The following BOLL variants were observed in gnomAD, a reference collection of about 807,000 sequenced individuals.
BOLL encodes boule RNA binding protein.
A neutral mutation model predicts 44.4 loss-of-function variants in BOLL; 23 were observed. That is an observed-to-expected ratio of 0.52 (90% CI 0.37 to 0.73). The LOEUF (loss-of-function observed/expected upper bound fraction) is 0.73, where lower values mean the gene tolerates loss of function less well. Among genes scored for constraint, BOLL ranks in the 30% least tolerant of loss-of-function variants. The probability of loss-of-function intolerance (pLI) is 0.00; values close to 1 mark genes in which losing one functional copy is unlikely to be tolerated. For synonymous variants in BOLL, 97 were observed against 110.8 expected (o/e 0.88, Z 0.78); for missense variants, 287 against 338.3 (o/e 0.85, Z 1.19).
rs1687823875 is a variant in BOLL, at chr2:197,742,953, C to G, written c.828+108G>C. On this transcript the variant is annotated intron_variant, in intron 10 of 10. Coordinates refer to ENST00000392296, the MANE Select transcript of BOLL (RefSeq NM_033030.6). ...TTTGCTAATTCTGTACTTCTGATCA[C>G]AAGTGTGATGTAAATATCCAAAATT... The G allele has an allele frequency of 1.3e-5, 9 of 681,348 alleles. No individual in the cohort carries two copies. The East Asian group carries it at 2.8e-4, about 21-fold the overall frequency. The allele number at this position is 681,348 out of a possible 1,614,324, so 42.2% of individuals were successfully genotyped here.
intron 3 of BOLL, among the ~76,000 whole-genome samples, chr2:197,778,335 A>C (rs1689607632): frequency 6.6e-6 from 1 of 151,632 alleles, no homozygotes; most frequent in South Asian, 2.1e-4. Flanking sequence ...TGCCTTATCT[A>C]TTTTCTTTTA....
At chr2:197,744,428 GGGAGTA>G (rs1449690523) in intron 9 of BOLL, among the ~76,000 whole-genome samples, 1 of 152,156 alleles carries the variant, frequency 6.6e-6, no homozygotes, top group East Asian at 1.9e-4. Flanking sequence ...AAGAGTTTTA[GGGAGTA>G]GGTACAATGT....
intron 4 of BOLL, 102 bp downstream of exon 4, chr2:197,776,957 C>T: frequency 5.5e-6 from 5 of 910,714 alleles, no homozygotes; most frequent in Non-Finnish European, 8.0e-6. Flanking sequence ...AAGATGCAAA[C>T]CTTTTTTAAA....
intron 9 of BOLL, among the ~76,000 whole-genome samples, chr2:197,747,526 T>C (rs1230902646): frequency 1.5e-5 from 2 of 130,070 alleles, no homozygotes; most frequent in Non-Finnish European, 3.0e-5. Flanking sequence ...GAGGTTGCAG[T>C]GAGCCGAGAT....
chr2:197,785,723 C>T (rs963264916), upstream of BOLL, among the ~76,000 whole-genome samples: 1 of 152,218 alleles, frequency 6.6e-6, no homozygotes, highest in African/African-American at 2.4e-5. The surrounding 1 kb of genome is among the most constrained non-coding windows in gnomAD (Gnocchi z 6.7). Flanking sequence ...GAAACATCCA[C>T]GCCTGAGGTC....
chr2:197,778,736 T>G (rs1197661016), intron 3 of BOLL, among the ~76,000 whole-genome samples: 1 of 151,548 alleles, frequency 6.6e-6, no homozygotes, highest in Non-Finnish European at 1.5e-5. Flanking sequence ...CACTGAATGG[T>G]CCCTCCACCC....
chr2:197,783,431 A>G (rs1280646023), intron 1 of BOLL, among the ~76,000 whole-genome samples: 1 of 152,250 alleles, frequency 6.6e-6, no homozygotes, highest in Non-Finnish European at 1.5e-5. Context: ...TCTCTGGCCA[A>G]TACAATCACA....
At chr2:197,780,627 C>A (rs568941222) in intron 2 of BOLL, among the ~76,000 whole-genome samples, 2 of 151,982 alleles carry the variant, frequency 1.3e-5, no homozygotes, top group African/African-American at 4.8e-5. Context: ...GTGAAACAAT[C>A]ATATACTTGT....
At chr2:197,765,160 T>C (rs1042662158) in intron 7 of BOLL, among the ~76,000 whole-genome samples, 2 of 152,024 alleles carry the variant, frequency 1.3e-5, no homozygotes, top group East Asian at 1.9e-4. Context: ...AATGATACAA[T>C]GGACTTTGGA....
chr2:197,784,387 AATACATATATAT>A (rs1483277284), intron 1 of BOLL, among the ~76,000 whole-genome samples: 1 of 94,450 alleles, frequency 1.1e-5, no homozygotes, highest in African/African-American at 4.7e-5. Flanking sequence ...ACAGCAGTCT[AATACATATATAT>A]ATATATATAT....
intron 6 of BOLL, 23 bp downstream of exon 6, chr2:197,771,832 C>A: frequency 6.5e-7 from 1 of 1,532,798 alleles, no homozygotes. Flanking sequence ...GATGGAAATC[C>A]TTTTTTAAAT....
intron 10 of BOLL, among the ~76,000 whole-genome samples, chr2:197,735,822 C>G (rs1409075583): frequency 1.3e-5 from 2 of 152,154 alleles, no homozygotes; most frequent in African/African-American, 4.8e-5. Flanking sequence ...ATATTTTCTT[C>G]TGCTCCCTGC....
At chr2:197,767,687 AG>A (rs946106604) in intron 6 of BOLL, among the ~76,000 whole-genome samples, 3 of 151,946 alleles carry the variant, frequency 2.0e-5, no homozygotes, top group African/African-American at 7.2e-5. Flanking sequence ...TGGGGAGCCT[AG>A]GGATACTTCT....
chr2:197,732,237 A>G (rs1434756778), intron 10 of BOLL, among the ~76,000 whole-genome samples: 1 of 152,064 alleles, frequency 6.6e-6, no homozygotes, highest in Non-Finnish European at 1.5e-5. Flanking sequence ...CTCGACACAT[A>G]CACTCTCCCA....
intron 10 of BOLL, among the ~76,000 whole-genome samples, chr2:197,730,909 T>C (rs377057100): frequency 6.9e-4 from 102 of 148,378 alleles, no homozygotes; most frequent in African/African-American, 2.3e-3. Flanking sequence ...CATCAACTAA[T>C]GAGAAAAATA....
chr2:197,776,391 C>T lies in BOLL; in HGVS notation c.277-651G>A, dbSNP rs373175766. Among the ~76,000 whole-genome samples the T allele has an allele frequency of 3.9e-5, 6 of 151,926 alleles. No individual in the cohort carries two copies. In the East Asian group the frequency reaches 9.7e-4, roughly 24 times the overall value. On this transcript the variant is annotated intron_variant, in intron 4 of 10. Coordinates refer to ENST00000392296, the MANE Select transcript of BOLL (RefSeq NM_033030.6). ...AACCAGTAATCTGTTATATATGATG[C>T]CTTTAAATGGAAAACCATATAAAAC... is the stretch of plus-strand genomic sequence containing the variant.
intron 10 of BOLL, among the ~76,000 whole-genome samples, chr2:197,737,373 A>G (rs1687541752): frequency 6.6e-6 from 1 of 152,034 alleles, no homozygotes; most frequent in Non-Finnish European, 1.5e-5. Flanking sequence ...CTTACATCAA[A>G]AAGGAGTCTT....
intron 9 of BOLL, among the ~76,000 whole-genome samples, chr2:197,749,782 C>T (rs369009031): frequency 3.9e-5 from 6 of 152,098 alleles, no homozygotes; most frequent in South Asian, 4.1e-4. Flanking sequence ...AAAAGTGACA[C>T]GGGGAATGGA....
intron 1 of BOLL, among the ~76,000 whole-genome samples, chr2:197,782,066 A>G (rs1029057856): frequency 2.0e-5 from 3 of 152,080 alleles, no homozygotes; most frequent in Non-Finnish European, 4.4e-5. Flanking sequence ...CACAGAATCT[A>G]CTCCACTATA....
Sources: gnomAD v4.1 joint callset for allele counts (sites outside exome capture counted in the v4.1 genomes callset) on GRCh38, gnomAD v4.1.1 for gene constraint, Gnocchi (gnomAD v3.1) non-coding constraint, MANE v1.5 for transcripts, NCBI Gene and HGNC (gene_info 2026-07-23, HGNC 2026-07-21) for gene names.